Variants in RIMKLA observed in about 807,000 individuals in gnomAD.
RIMKLA encodes the protein ribosomal modification protein rimK like family member A.
In RIMKLA, 14 loss-of-function variants were observed where a neutral mutation model predicts 32.7. That is an observed-to-expected ratio of 0.43 (90% confidence interval 0.28 to 0.67). The LOEUF (loss-of-function observed/expected upper bound fraction) is 0.67. Ranked by LOEUF, RIMKLA falls within the 30% of genes least tolerant of loss-of-function variation. RIMKLA has a pLI of 0.18. For synonymous variants in RIMKLA, 176 were observed against 204.1 expected (o/e 0.86, Z 1.18); for missense variants, 410 against 519.0 (o/e 0.79, Z 2.04).
intron 2 of RIMKLA, among the ~76,000 whole-genome samples, chr1:42,401,785 G>A (rs945334600): frequency 2.6e-5 from 4 of 152,190 alleles, no homozygotes; most frequent in Non-Finnish European, 4.4e-5. Context: ...AAGGGATGAT[G>A]CAGGGTCAAA....
chr1:42,413,848 C>G (rs1643222901), intron 4 of RIMKLA, among the ~76,000 whole-genome samples: 1 of 149,506 alleles, frequency 6.7e-6, no homozygotes, highest in Non-Finnish European at 1.5e-5. Flanking sequence ...TCCTCCCACC[C>G]CAGCCTCCCA....
At chr1:42,385,443 T>G (rs530309009) in intron 1 of RIMKLA, among the ~76,000 whole-genome samples, 1 of 152,320 alleles carries the variant, frequency 6.6e-6, no homozygotes, top group East Asian at 1.9e-4. Flanking sequence ...TTACTGTTTG[T>G]CTCTTAGGAG....
chr1:42,421,821 A>C lies in RIMKLA; in HGVS notation c.*6847A>C, dbSNP rs1643297611. On this transcript the variant is annotated 3_prime_UTR_variant, in exon 5 of 5. Transcript: ENST00000431473. The surrounding 1 kb of genome is among the most constrained non-coding windows in gnomAD (Gnocchi z 4.6). Reference sequence around the variant, plus strand: ...CAATTAAATAAAGTATGTTAAAAACAGTAATAAATACTCAAAACTCATCAC... The same window carrying C: ...CAATTAAATAAAGTATGTTAAAAACCGTAATAAATACTCAAAACTCATCAC... The C allele has an allele frequency of 6.6e-6, 1 of 152,260 alleles. No homozygotes were observed. Among genetic ancestry groups the C allele is most frequent in the Non-Finnish European group, 1.5e-5 (1 of 68,044 alleles). 9.4% of individuals were successfully genotyped at this position (152,260 alleles called of 1,614,324 possible). A position where few individuals can be genotyped will look rare whatever the true frequency, so the allele number is the denominator to read the frequency against.
At chr1:42,402,528 C>A (rs1458101837) in intron 2 of RIMKLA, among the ~76,000 whole-genome samples, 3 of 151,760 alleles carry the variant, frequency 2.0e-5, no homozygotes, top group African/African-American at 7.3e-5. Flanking sequence ...GCCTCTAGAA[C>A]CTGAAAAATG....
intron 1 of RIMKLA, among the ~76,000 whole-genome samples, chr1:42,391,217 T>C (rs967413803): frequency 6.6e-6 from 1 of 152,136 alleles, no homozygotes; most frequent in Non-Finnish European, 1.5e-5. Flanking sequence ...TGAGAGTCCT[T>C]GGCATTGAAA....
In RIMKLA at chr1:42,409,201, C is replaced by CAAAAAAAAAAAAAAAA. The variant is rs59543497; in HGVS notation, c.482-768_482-753dup. ...TGGGTGACAGAGCGAGACTCTGTCT[C>CAAAAAAAAAAAAAAAA]AAAAAAAAAAAAAAAAAAAAAAAAA... On this transcript the variant is annotated intron_variant, in intron 3 of 4. Coordinates refer to ENST00000431473, the MANE Select transcript of RIMKLA (RefSeq NM_173642.4). Among the ~76,000 whole-genome samples the CAAAAAAAAAAAAAAAA allele has an allele frequency of 6.2e-5, 4 of 64,480 alleles. 1 individual carries two copies. The highest frequency in any genetic ancestry group is 2.7e-4 in the African/African-American group (4 of 14,838). 42.3% of individuals were successfully genotyped at this position (64,480 alleles called of 152,430 possible).
rs146760287 is a variant in RIMKLA, at chr1:42,423,076, C to T, written c.*8102C>T. Among the ~76,000 whole-genome samples the T allele has an allele frequency of 6.0e-3, 910 of 152,162 alleles. 14 individuals are homozygous for T. The highest frequency in any genetic ancestry group is 0.021 in the African/African-American group (873 of 41,500). On this transcript the variant is annotated 3_prime_UTR_variant, in exon 5 of 5. Coordinates refer to ENST00000431473, the MANE Select transcript of RIMKLA (RefSeq NM_173642.4). ...ATTTCAAGAGGCTTCCTGGGAGAAG[C>T]GGTGATAAGACCCTGGGGGACTAAC...
intron 1 of RIMKLA, among the ~76,000 whole-genome samples, chr1:42,390,289 C>A (rs1428958865): frequency 6.6e-6 from 1 of 152,202 alleles, no homozygotes; most frequent in Non-Finnish European, 1.5e-5. Flanking sequence ...TTGCCGGCCT[C>A]AGCCTCCCAA....
At chr1:42,391,171 T>C (rs572168089) in intron 1 of RIMKLA, among the ~76,000 whole-genome samples, 1 of 152,182 alleles carries the variant, frequency 6.6e-6, no homozygotes, top group South Asian at 2.1e-4. Flanking sequence ...GGTGGGATGG[T>C]GGAGAAGATC....
In RIMKLA at chr1:42,417,470, T is replaced by A. The variant is rs1181339543; in HGVS notation, c.*2496T>A. On this transcript the variant is annotated 3_prime_UTR_variant, in exon 5 of 5. Transcript: ENST00000431473. Reference sequence around the variant, plus strand: ...ATGGGGTGTAGAGCCAGAGCCTGGTTCTGGTTCTCCGCTTGAACAGCTGAC... The same window carrying A: ...ATGGGGTGTAGAGCCAGAGCCTGGTACTGGTTCTCCGCTTGAACAGCTGAC... 4 of 152,084 alleles carry A rather than the reference T, an allele frequency of 2.6e-5. No individual in the cohort carries two copies. Among genetic ancestry groups the A allele is most frequent in the Admixed American group, 2.0e-4 (3 of 15,276 alleles). The allele number at this position is 152,084 out of a possible 1,614,324, so 9.4% of individuals were successfully genotyped here. A position where few individuals can be genotyped will look rare whatever the true frequency, so the allele number is the denominator to read the frequency against.
intron 1 of RIMKLA, among the ~76,000 whole-genome samples, chr1:42,385,677 A>G (rs1642929477): frequency 6.6e-6 from 1 of 151,918 alleles, no homozygotes; most frequent in South Asian, 2.1e-4. Context: ...TCCTTCATGG[A>G]TCTCAAAGCC....
chr1:42,388,091 A>C (rs1642965678), intron 1 of RIMKLA, among the ~76,000 whole-genome samples: 1 of 152,108 alleles, frequency 6.6e-6, no homozygotes, highest in African/African-American at 2.4e-5. Flanking sequence ...CCAAGGGATG[A>C]GTATTAGGAG....
intron 2 of RIMKLA, among the ~76,000 whole-genome samples, chr1:42,402,136 G>T (rs897379274): frequency 6.6e-6 from 1 of 152,100 alleles, no homozygotes; most frequent in East Asian, 1.9e-4. Context: ...TAGCACTCTT[G>T]TGAACTAGAC....
At chr1:42,388,524 T>G (rs7414077) in intron 1 of RIMKLA, among the ~76,000 whole-genome samples, 205 of 75,510 alleles carry the variant, frequency 2.7e-3, no homozygotes, top group Middle Eastern at 0.02. Context: ...CTTGTTTTTT[T>G]TTTTTTTTTT....
In RIMKLA at chr1:42,423,222, A is replaced by C. The variant is rs1643308701; in HGVS notation, c.*8248A>C. ...TGCTTGATTGCTGCAGCCGAGGATG[A>C]TTTGGGGTATGACATTATGTACCAT... On this transcript the variant is annotated 3_prime_UTR_variant, in exon 5 of 5. Coordinates refer to ENST00000431473, the MANE Select transcript of RIMKLA (RefSeq NM_173642.4). Among the ~76,000 whole-genome samples the C allele has an allele frequency of 6.6e-6, 1 of 152,172 alleles. No homozygotes were observed. Among genetic ancestry groups the C allele is most frequent in the Non-Finnish European group, 1.5e-5 (1 of 68,028 alleles).
Position 42,414,711 on chromosome 1 carries a change from A to C in RIMKLA, c.913A>C (p.Asn305His), listed in dbSNP as rs144595716. Residue 305 changes from asparagine (N) to histidine (H), a missense_variant, in exon 5 of 5, where the codon AAT becomes CAT. By Grantham distance (68) the Asn-to-His change is moderately conservative. Transcript: ENST00000431473. ...AGACTATACCATGTCCTTGCTGCCA[A>C]ATAGGCAGACTGGAAAGATGGCTGT... is the stretch of plus-strand genomic sequence containing the variant. ...IADYTMSLLP[N>H]RQTGKMAVLP... The C allele has an allele frequency of 6.2e-7, 1 of 1,614,224 alleles. No homozygotes were observed.
rs755655919 is a variant in RIMKLA, at chr1:42,399,519, G to A, written c.279G>A (p.Lys93=). The change falls in exon 2 of 5, where the codon AAG becomes AAA. Residue 93 remains lysine, a synonymous_variant. Transcript: ENST00000431473. ...SDITVLRHLE[K]LGCRLVNRPQ... is the part of the protein sequence containing the mutation. ...TCACTGTCCTGCGACACCTGGAGAAGCTGGGCTGCCGGTTGGTCAATCGCC... is the reference window on the plus strand; with the variant it reads ...TCACTGTCCTGCGACACCTGGAGAAACTGGGCTGCCGGTTGGTCAATCGCC... The A allele has an allele frequency of 1.9e-6, 3 of 1,613,426 alleles. No homozygotes were observed. The highest frequency in any genetic ancestry group is 1.7e-5 in the Admixed American group (1 of 59,920).
rs1330198409 is a variant in RIMKLA, at chr1:42,385,891, T to TTTCTTTCC, written c.163+4818_163+4825dup. Among the ~76,000 whole-genome samples, 299 of 77,092 alleles carry TTTCTTTCC rather than the reference T, an allele frequency of 3.9e-3. 10 individuals are homozygous for TTTCTTTCC. The highest frequency in any genetic ancestry group is 0.011 in the African/African-American group (221 of 20,036). 50.6% of individuals were successfully genotyped at this position (77,092 alleles called of 152,430 possible). ...CTTTCTTTCTTTCTTTCTTTCTTTC[T>TTTCTTTCC]TTCTTTCCTTCTTTCCTTCTTTCCT... On this transcript the variant is annotated intron_variant, in intron 1 of 4. Transcript: ENST00000431473.
chr1:42,414,828 A>T lies in RIMKLA; in HGVS notation c.1030A>T (p.Ser344Cys), dbSNP rs368593698. 65 of 1,614,072 alleles carry T rather than the reference A, an allele frequency of 4.0e-5. No individual in the cohort carries two copies. The highest frequency in any genetic ancestry group is 5.4e-5 in the Non-Finnish European group (64 of 1,180,044). ...TGCAGAGAGCGTCTATACCATCAAC[A>T]GTGGGTCTACCTCTAGTGAAAGTGA... ...GVAESVYTIN[S>C]GSTSSESEPE... Residue 344 changes from serine to cysteine, a missense_variant, in exon 5 of 5, where the codon AGT becomes TGT. Transcript: ENST00000431473.
Sources: allele counts gnomAD v4.1 joint callset (sites outside exome capture counted in the v4.1 genomes callset), GRCh38; gene constraint gnomAD v4.1.1; non-coding constraint Gnocchi (gnomAD v3.1); transcripts MANE v1.5; gene names NCBI Gene and HGNC (gene_info 2026-07-23, HGNC 2026-07-21).